Variants in LRP1B observed in about 807,000 individuals in gnomAD.
LRP1B encodes the protein LDL receptor related protein 1B.
Under a neutral mutation model 556.6 loss-of-function variants are expected in LRP1B, and 217 were observed. That is an observed-to-expected ratio of 0.39 (90% CI 0.35 to 0.44). LRP1B has a LOEUF of 0.44. Ranked by LOEUF, LRP1B falls within the 20% of genes least tolerant of loss-of-function variation. The probability of loss-of-function intolerance (pLI) is 1.00; values close to 1 mark genes in which losing one functional copy is unlikely to be tolerated. For synonymous variants in LRP1B, 2,047 were observed against 1,865.8 expected (o/e 1.10, Z -2.50); for missense variants, 5,053 against 5,620.8 (o/e 0.90, Z 3.23).
At chr2:142,022,817 C>A (rs989912598) in intron 1 of LRP1B, among the ~76,000 whole-genome samples, 1 of 152,058 alleles carries the variant, frequency 6.6e-6, no homozygotes, top group African/African-American at 2.4e-5. Context: ...GTTACAGGTG[C>A]GTGCCATCAC....
At chr2:140,679,215 C>T (rs1574232106) in intron 41 of LRP1B, among the ~76,000 whole-genome samples, 1 of 152,174 alleles carries the variant, frequency 6.6e-6, no homozygotes, top group Admixed American at 6.5e-5. Flanking sequence ...CCCATTATGA[C>T]CTCATTTTAC....
chr2:141,068,969 T>C (rs977875470), intron 7 of LRP1B, among the ~76,000 whole-genome samples: 4 of 152,078 alleles, frequency 2.6e-5, no homozygotes, highest in South Asian at 2.1e-4. Flanking sequence ...TTGGCCTAAA[T>C]TGAAAACATC....
chr2:141,887,796 T>G (rs904657038), intron 1 of LRP1B, among the ~76,000 whole-genome samples: 1 of 152,224 alleles, frequency 6.6e-6, no homozygotes, highest in African/African-American at 2.4e-5. Context: ...TAGTTATACT[T>G]GCCATGGGAA....
intron 2 of LRP1B, among the ~76,000 whole-genome samples, chr2:141,603,769 T>A (rs989585258): frequency 7.2e-5 from 11 of 152,188 alleles, no homozygotes; most frequent in African/African-American, 2.7e-4. Context: ...CATCAGGTAC[T>A]CTTCAGGTAA....
chr2:140,787,157 A>C (rs1689933803), intron 32 of LRP1B, among the ~76,000 whole-genome samples: 1 of 152,248 alleles, frequency 6.6e-6, no homozygotes, highest in South Asian at 2.1e-4. Context: ...AACTGGGATT[A>C]AGTGGGTCTG....
intron 2 of LRP1B, among the ~76,000 whole-genome samples, chr2:141,592,711 T>C (rs1183826695): frequency 6.6e-6 from 1 of 152,188 alleles, no homozygotes; most frequent in Non-Finnish European, 1.5e-5. Flanking sequence ...ACCATACTTT[T>C]AATGGCACCT....
intron 1 of LRP1B, among the ~76,000 whole-genome samples, chr2:142,024,618 A>AGG (rs1703444511): frequency 2.2e-5 from 1 of 45,166 alleles, no homozygotes; most frequent in Non-Finnish European, 4.7e-5. Context: ...ATCAGCTGAA[A>AGG]TGTTTTTTTT....
intron 83 of LRP1B, among the ~76,000 whole-genome samples, chr2:140,309,361 C>T (rs1042468892): frequency 2.0e-5 from 3 of 151,758 alleles, no homozygotes; most frequent in Non-Finnish European, 4.4e-5. Flanking sequence ...TTATTTTCAG[C>T]CAGCATTGTG....
intron 1 of LRP1B, among the ~76,000 whole-genome samples, chr2:141,886,109 T>C (rs1699101701): frequency 6.6e-6 from 1 of 152,218 alleles, no homozygotes. Context: ...TCAGGCCAGA[T>C]ACTTAGAAGG....
chr2:140,651,244 T>C (rs1198316450), intron 41 of LRP1B, among the ~76,000 whole-genome samples: 1 of 149,876 alleles, frequency 6.7e-6, no homozygotes, highest in Non-Finnish European at 1.5e-5. Flanking sequence ...CAGTAAACTA[T>C]CGCAAGAACA....
At chr2:141,935,662 T>C (rs1038525602) in intron 1 of LRP1B, among the ~76,000 whole-genome samples, 2 of 152,158 alleles carry the variant, frequency 1.3e-5, no homozygotes, top group Admixed American at 6.5e-5. Context: ...GAACAAATTT[T>C]AAGAAAACAT....
At chr2:141,662,849 C>T (rs950929550) in intron 2 of LRP1B, among the ~76,000 whole-genome samples, 1 of 152,066 alleles carries the variant, frequency 6.6e-6, no homozygotes, top group African/African-American at 2.4e-5. Context: ...ATACAGAACT[C>T]TTCACCCCAA....
intron 20 of LRP1B, among the ~76,000 whole-genome samples, chr2:140,928,951 T>A (rs756553047): frequency 6.6e-6 from 1 of 152,126 alleles, no homozygotes; most frequent in Non-Finnish European, 1.5e-5. Context: ...TAGGGGTGAC[T>A]CTTGTAGAGA....
chr2:141,813,897 C>T (rs1348656204), intron 1 of LRP1B, among the ~76,000 whole-genome samples: 1 of 152,064 alleles, frequency 6.6e-6, no homozygotes, highest in Non-Finnish European at 1.5e-5. Context: ...GGGTTGCCGG[C>T]TGTGGGGCTA....
rs1202928883 is a variant in LRP1B, at chr2:141,910,012, T to TA, written c.83-99612dup. 2.0e-5 allele frequency among the ~76,000 whole-genome samples: 3 copies of TA among 151,800 alleles called. No homozygotes were observed. The East Asian group carries it at 5.8e-4, about 29-fold the overall frequency. On this transcript the variant is annotated intron_variant, in intron 1 of 90. Transcript: ENST00000389484. ...TTCTACTTAAGTAGATATCAAGAAA[T>TA]AAAAGGAAGGTGCTATTTCATAAGA...
chr2:141,572,928 T>C (rs975271800), intron 2 of LRP1B, among the ~76,000 whole-genome samples: 1 of 151,760 alleles, frequency 6.6e-6, no homozygotes, highest in African/African-American at 2.4e-5. Context: ...TATGCCCTAA[T>C]ACAGGAGCAC....
At chr2:141,490,370 CGTGTGTGTGTGT>C (rs767310378) in intron 2 of LRP1B, among the ~76,000 whole-genome samples, 1 of 121,228 alleles carries the variant, frequency 8.2e-6, no homozygotes, top group African/African-American at 3.3e-5. Flanking sequence ...AAAATAGCCT[CGTGTGTGTGTGT>C]GTGTGTGTGT....
intron 66 of LRP1B, among the ~76,000 whole-genome samples, chr2:140,419,795 G>A (rs1326421489): frequency 1.3e-5 from 2 of 152,228 alleles, no homozygotes; most frequent in South Asian, 2.1e-4. Flanking sequence ...ATCACTTGAG[G>A]TCAGGAGTTC....
rs533294310 is a variant in LRP1B, at chr2:141,536,079, G to A, written c.206-55546C>T. The stretch of plus-strand genomic sequence containing the variant: ...GTGTAATCAGACTTCTTTATAAACA[G>A]TAAATGTTGAAAACAGAATTTGTCT... On this transcript the variant is annotated intron_variant, in intron 2 of 90. Coordinates refer to ENST00000389484, the MANE Select transcript of LRP1B (RefSeq NM_018557.3). Among the ~76,000 whole-genome samples the A allele has an allele frequency of 5.3e-5, 8 of 152,138 alleles. No homozygotes were observed. The East Asian group carries it at 1.5e-3, about 29-fold the overall frequency.
Sources: allele counts gnomAD v4.1 joint callset (sites outside exome capture counted in the v4.1 genomes callset), GRCh38; gene constraint gnomAD v4.1.1; transcripts MANE v1.5; gene names NCBI Gene and HGNC (gene_info 2026-07-23, HGNC 2026-07-21).